INPP5A: variants seen among roughly 807,000 people sequenced by gnomAD.
INPP5A encodes the protein inositol polyphosphate-5-phosphatase A, also known as 43 kDa inositol polyphosphate 5-phophatase.
INPP5A carries 14 observed loss-of-function variants against 65.2 expected under a neutral mutation model. The ratio of observed to expected loss-of-function variants is 0.21; its 90% CI spans 0.14 to 0.34. The LOEUF (loss-of-function observed/expected upper bound fraction) is 0.34, where lower values mean the gene tolerates loss of function less well. INPP5A is among the 10% of genes least tolerant of loss of function. The pLI is 1.00. For missense variants in INPP5A, 431 were observed against 545.6 expected, an observed-to-expected ratio of 0.79 and a Z score of 2.09; for synonymous variants, 207 against 208.3, an observed-to-expected ratio of 0.99 and a Z score of 0.05.
chr10:132,695,336 G>C (rs1233477975), intron 5 of INPP5A, among the ~76,000 whole-genome samples: 1 of 152,126 alleles, frequency 6.6e-6, no homozygotes, highest in Non-Finnish European at 1.5e-5. Flanking sequence ...ACTAGGAATA[G>C]AGGGGAAGTT....
chr10:132,682,640 T>G (rs2073062019), intron 4 of INPP5A, among the ~76,000 whole-genome samples: 1 of 152,264 alleles, frequency 6.6e-6, no homozygotes, highest in Non-Finnish European at 1.5e-5. Context: ...GGCATGTGTC[T>G]GTGGTGACCC....
intron 2 of INPP5A, among the ~76,000 whole-genome samples, chr10:132,624,483 G>T (rs1224706296): frequency 1.3e-5 from 2 of 152,016 alleles, no homozygotes; most frequent in African/African-American, 4.8e-5. Flanking sequence ...TCCCACCGGC[G>T]TGTCTGCACT....
In INPP5A at chr10:132,616,749, G is replaced by C. The variant is rs566499786; in HGVS notation, c.117+8793G>C. 1.1e-3 allele frequency among the ~76,000 whole-genome samples: 164 copies of C among 151,582 alleles called. No individual in the cohort carries two copies. Among genetic ancestry groups the C allele is most frequent in the African/African-American group, 3.6e-3 (147 of 41,266 alleles). On this transcript the variant is annotated intron_variant, in intron 2 of 15. Transcript: ENST00000368594. The surrounding 1 kb of genome is among the most constrained non-coding windows in gnomAD (Gnocchi z 4.9). The stretch of plus-strand genomic sequence containing the variant: ...ATGGTGACATGGCGATGTGTCATGT[G>C]GTGATGGGGGACGTGGCGTGGGGGA...
chr10:132,599,851 T>C (rs1385905410), intron 1 of INPP5A, among the ~76,000 whole-genome samples: 4 of 152,248 alleles, frequency 2.6e-5, no homozygotes, highest in Admixed American at 6.5e-5. Context: ...GTCTTGGGGC[T>C]TCCACCCTCT....
chr10:132,749,556 G>A lies in INPP5A; in HGVS notation c.772G>A (p.Ala258Thr), dbSNP rs150116834. The A allele has an allele frequency of 9.9e-6, 16 of 1,612,886 alleles. No individual in the cohort carries two copies. Among genetic ancestry groups the A allele is most frequent in the African/African-American group, 5.3e-5 (4 of 74,944 alleles). ...TKATMQTVRA[A>T]DTNEVVKLIF... ...AGCCACCATGCAGACGGTCCGGGCC[G>A]CCGACACCAATGAAGTGGTGAAGCT... is the stretch of plus-strand genomic sequence containing the variant. Residue 258 changes from alanine (A) to threonine (T), a missense_variant, in exon 10 of 16, where the codon GCC (alanine) becomes ACC (threonine). Coordinates refer to ENST00000368594, the MANE Select transcript of INPP5A (RefSeq NM_005539.5).
In INPP5A at chr10:132,550,268, C is replaced by T. The variant is rs555658637; in HGVS notation, c.75+12097C>T. Among the ~76,000 whole-genome samples the T allele has an allele frequency of 6.6e-6, 1 of 152,324 alleles. No homozygotes were observed. The highest frequency in any genetic ancestry group is 2.1e-4 in the South Asian group (1 of 4,826). On this transcript the variant is annotated intron_variant, in intron 1 of 15. Transcript: ENST00000368594. This position sits in a 1 kb window ranked among gnomAD's most constrained non-coding sequence, Gnocchi z 4.2. ...GTCCCGCAGGTTAATTCACTTCACC[C>T]AGCCTCTCAGGGATGTAATGAGGCT... is the stretch of plus-strand genomic sequence containing the variant.
chr10:132,668,260 C>T (rs936333587), intron 4 of INPP5A, among the ~76,000 whole-genome samples: 7 of 152,150 alleles, frequency 4.6e-5, no homozygotes, highest in Non-Finnish European at 8.8e-5. Flanking sequence ...TGAAATGACA[C>T]GAGAGCCTCA....
At chr10:132,541,590 C>T (rs921425220) in intron 1 of INPP5A, among the ~76,000 whole-genome samples, 1 of 152,204 alleles carries the variant, frequency 6.6e-6, no homozygotes, top group Non-Finnish European at 1.5e-5. Context: ...CAATATTTCT[C>T]ATATTGGGAG....
chr10:132,571,892 G>C (rs2071345813), intron 1 of INPP5A, among the ~76,000 whole-genome samples: 1 of 152,202 alleles, frequency 6.6e-6, no homozygotes, highest in Non-Finnish European at 1.5e-5. Flanking sequence ...TCTGGCATCT[G>C]AGCTTGTTAA....
chr10:132,645,747 G>A, intron 2 of INPP5A, 121 bp from the exon 3 acceptor site: 4 of 696,408 alleles, frequency 5.7e-6, no homozygotes, highest in African/African-American at 1.8e-5. Context: ...CGCAGACATG[G>A]GGCCCCGTCT....
chr10:132,679,995 A>C (rs2073021207), intron 4 of INPP5A, among the ~76,000 whole-genome samples: 1 of 152,158 alleles, frequency 6.6e-6, no homozygotes, highest in Non-Finnish European at 1.5e-5. Flanking sequence ...AAACTATAAA[A>C]CTTTTAGAAG....
At chr10:132,619,223 AT>A (rs1445090033) in intron 2 of INPP5A, among the ~76,000 whole-genome samples, 2 of 152,226 alleles carry the variant, frequency 1.3e-5, no homozygotes, top group Admixed American at 6.5e-5. Context: ...TTGGGTAAAC[AT>A]TTCTGCTTCA....
intron 2 of INPP5A, among the ~76,000 whole-genome samples, chr10:132,623,026 G>A (rs1674791319): frequency 6.6e-6 from 1 of 152,214 alleles, no homozygotes; most frequent in African/African-American, 2.4e-5. Context: ...CCGTGTTCGT[G>A]GATTGGAAGA....
chr10:132,581,918 A>C (rs1045131871), intron 1 of INPP5A, among the ~76,000 whole-genome samples: 1 of 151,870 alleles, frequency 6.6e-6, no homozygotes, highest in Admixed American at 6.6e-5. Context: ...GCTCACTGCA[A>C]GCTCTGCCTC....
rs1455755983 is a variant in INPP5A at position 132,781,960 on chromosome 10, T to C, written c.*7+12T>C. On this transcript the variant is annotated intron_variant, in intron 15 of 15. Transcript: ENST00000368594. ...GCAGTGACGTGGTGGTAAATATGAC[T>C]CCTCCCTCCAGTTCAGCTTTTACGC... 1.2e-6 allele frequency: 2 copies of C among 1,612,686 alleles called. No individual in the cohort carries two copies. The highest frequency in any genetic ancestry group is 1.7e-6 in the Non-Finnish European group (2 of 1,179,056).
intron 12 of INPP5A, among the ~76,000 whole-genome samples, chr10:132,770,190 C>T (rs1846924325): frequency 6.6e-6 from 1 of 152,172 alleles, no homozygotes; most frequent in Non-Finnish European, 1.5e-5. Flanking sequence ...GCTATCGTCT[C>T]CTCTGGGCAG....
At chr10:132,568,810 T>C (rs1415169631) in intron 1 of INPP5A, among the ~76,000 whole-genome samples, 1 of 151,946 alleles carries the variant, frequency 6.6e-6, no homozygotes, top group Admixed American at 6.5e-5. Flanking sequence ...AATTGAAGCT[T>C]AGTGAATAAG....
intron 8 of INPP5A, among the ~76,000 whole-genome samples, chr10:132,716,642 C>G (rs987183511): frequency 1.3e-5 from 2 of 152,222 alleles, no homozygotes; most frequent in East Asian, 1.9e-4. Flanking sequence ...CCCAGCGTCA[C>G]CACTGGCATC....
chr10:132,738,645 G>A (rs1411514855), intron 9 of INPP5A, among the ~76,000 whole-genome samples: 2 of 152,256 alleles, frequency 1.3e-5, no homozygotes, highest in African/African-American at 4.8e-5. Flanking sequence ...GCAAGTGGGC[G>A]CCACTCCCAT....
Sources: allele counts gnomAD v4.1 joint callset (sites outside exome capture counted in the v4.1 genomes callset), GRCh38; gene constraint gnomAD v4.1.1; non-coding constraint Gnocchi (gnomAD v3.1); transcripts MANE v1.5; gene names NCBI Gene and HGNC (gene_info 2026-07-23, HGNC 2026-07-21).